The following AK5 variants were observed in gnomAD, a reference collection of about 807,000 sequenced individuals.
AK5 encodes adenylate kinase 5, also known as adenylate kinase isoenzyme 5.
AK5 carries 27 observed loss-of-function variants against 69.5 expected under a neutral mutation model. That is an observed-to-expected ratio of 0.39 (90% CI 0.29 to 0.54). AK5 has a LOEUF of 0.54. AK5 is among the 20% of genes least tolerant of loss of function. AK5 has a pLI of 0.71. For synonymous variants in AK5, 260 were observed against 244.4 expected, an observed-to-expected ratio of 1.06 and a Z score of -0.60; for missense variants, 531 against 700.4, an observed-to-expected ratio of 0.76 and a Z score of 2.73.
At chr1:77,517,287 G>C (rs1466736049) in intron 10 of AK5, among the ~76,000 whole-genome samples, 1 of 152,168 alleles carries the variant, frequency 6.6e-6, no homozygotes, top group Non-Finnish European at 1.5e-5. Flanking sequence ...CTCCGATTCT[G>C]ACATGCAGAG....
chr1:77,421,567 C>G (rs562695268), intron 8 of AK5, among the ~76,000 whole-genome samples: 2 of 152,210 alleles, frequency 1.3e-5, no homozygotes, highest in Non-Finnish European at 2.9e-5. Flanking sequence ...ATTACCTCAT[C>G]TCACATTCAG....
intron 8 of AK5, among the ~76,000 whole-genome samples, chr1:77,482,108 T>A (rs1272553237): frequency 6.6e-6 from 1 of 152,232 alleles, no homozygotes; most frequent in African/African-American, 2.4e-5. Flanking sequence ...AAAAGTATAA[T>A]GCTTTTGTAT....
chr1:77,381,492 C>T (rs1647632413), intron 6 of AK5, among the ~76,000 whole-genome samples: 1 of 151,962 alleles, frequency 6.6e-6, no homozygotes, highest in Non-Finnish European at 1.5e-5. Flanking sequence ...GTACAAGACA[C>T]CATGCTTGGC....
At chr1:77,434,759 C>T (rs1489815508) in intron 8 of AK5, among the ~76,000 whole-genome samples, 2 of 152,162 alleles carry the variant, frequency 1.3e-5, no homozygotes, top group East Asian at 1.9e-4. Context: ...TTGCTTCTTA[C>T]TGGAAGCCCG....
At chr1:77,355,511 T>C (rs1253173622) in intron 6 of AK5, among the ~76,000 whole-genome samples, 1 of 152,074 alleles carries the variant, frequency 6.6e-6, no homozygotes, top group Non-Finnish European at 1.5e-5. Context: ...CTAAGGACTT[T>C]TCCCTCTCCC....
chr1:77,392,672 A>G (rs930331326), intron 6 of AK5, among the ~76,000 whole-genome samples: 1 of 152,156 alleles, frequency 6.6e-6, no homozygotes, highest in African/African-American at 2.4e-5. Context: ...GCACATTCAT[A>G]ATAATAGTTC....
At chr1:77,337,962 TTTA>T (rs1570403228) in intron 5 of AK5, among the ~76,000 whole-genome samples, 2 of 122,368 alleles carry the variant, frequency 1.6e-5, no homozygotes. Context: ...ATGTTTTCTT[TTTA>T]TTTTTTTTTT....
chr1:77,388,967 AGC>A, intron 6 of AK5, among the ~76,000 whole-genome samples: 1 of 152,350 alleles, frequency 6.6e-6, no homozygotes, highest in South Asian at 2.1e-4. Context: ...ACTGGATGGA[AGC>A]AGAGCTAGCT....
At chr1:77,462,347 A>G (rs1207825774) in intron 8 of AK5, among the ~76,000 whole-genome samples, 2 of 144,304 alleles carry the variant, frequency 1.4e-5, no homozygotes, top group Non-Finnish European at 3.1e-5. Context: ...ATGGATGGAT[A>G]GGTGAATAGG....
chr1:77,293,612 C>G (rs991392474), intron 2 of AK5, 181 bp from the exon 3 acceptor site: 1 of 501,718 alleles, frequency 2.0e-6, no homozygotes, highest in Non-Finnish European at 3.5e-6. Context: ...CTCTCAAAGC[C>G]CAAAATATTG....
At chr1:77,437,237 T>C (rs1294575575) in intron 8 of AK5, among the ~76,000 whole-genome samples, 1 of 152,124 alleles carries the variant, frequency 6.6e-6, no homozygotes, top group South Asian at 2.1e-4. Context: ...ACATACTTGA[T>C]TGAAGTGCTT....
At chr1:77,328,313 A>G (rs1660910230) in intron 5 of AK5, among the ~76,000 whole-genome samples, 1 of 152,178 alleles carries the variant, frequency 6.6e-6, no homozygotes, top group South Asian at 2.1e-4. Flanking sequence ...AGCCTGACCA[A>G]CATAGTGAAA....
intron 6 of AK5, among the ~76,000 whole-genome samples, chr1:77,387,259 C>G (rs889128606): frequency 1.3e-5 from 2 of 152,196 alleles, no homozygotes; most frequent in African/African-American, 2.4e-5. Flanking sequence ...TTATAGCAAC[C>G]TTTCAGCTAG....
chr1:77,316,947 G>T (rs755363050), intron 5 of AK5, among the ~76,000 whole-genome samples: 1 of 152,128 alleles, frequency 6.6e-6, no homozygotes, highest in Non-Finnish European at 1.5e-5. Flanking sequence ...GTATATCAAG[G>T]CATGGTTGCT....
At chr1:77,464,334 C>T (rs144700706) in intron 8 of AK5, among the ~76,000 whole-genome samples, 85 of 152,244 alleles carry the variant, frequency 5.6e-4, no homozygotes, top group African/African-American at 2.0e-3. Context: ...CCAACTTCCC[C>T]GAGGCTCCAC....
chr1:77,391,655 CATA>C (rs935501767), intron 6 of AK5, among the ~76,000 whole-genome samples: 1 of 151,416 alleles, frequency 6.6e-6, no homozygotes, highest in African/African-American at 2.4e-5. Flanking sequence ...AGAAATAAAT[CATA>C]ATAATAACCA....
intron 8 of AK5, among the ~76,000 whole-genome samples, chr1:77,462,183 A>G (rs1653880554): frequency 6.6e-6 from 1 of 152,220 alleles, no homozygotes. Flanking sequence ...ACACACCATA[A>G]ACTTTTAGCA....
chr1:77,305,688 T>C (rs971214217), intron 5 of AK5, among the ~76,000 whole-genome samples: 1 of 152,172 alleles, frequency 6.6e-6, no homozygotes, highest in African/African-American at 2.4e-5. Flanking sequence ...TCTATTGTGT[T>C]TGATTGGTCT....
At chr1:77,461,328 C>G (rs907559839) in intron 8 of AK5, among the ~76,000 whole-genome samples, 1 of 151,738 alleles carries the variant, frequency 6.6e-6, no homozygotes, top group South Asian at 2.1e-4. Flanking sequence ...CCACCGCACC[C>G]GGCCCTGTAT....
Sources: gnomAD v4.1 joint callset for allele counts (sites outside exome capture counted in the v4.1 genomes callset) on GRCh38, gnomAD v4.1.1 for gene constraint, MANE v1.5 for transcripts, NCBI Gene and HGNC (gene_info 2026-07-23, HGNC 2026-07-21) for gene names.